Variants in RBMS3 observed in about 807,000 individuals in gnomAD.
The protein encoded by RBMS3 is RNA binding motif single stranded interacting protein 3.
Under a neutral mutation model 66.8 loss-of-function variants are expected in RBMS3, and 27 were observed. The ratio of observed to expected loss-of-function variants is 0.40; its 90% CI spans 0.30 to 0.56. RBMS3 has a LOEUF of 0.56. Ranked by LOEUF, RBMS3 falls within the 20% of genes least tolerant of loss-of-function variation. The probability of loss-of-function intolerance (pLI) is 0.40; values close to 1 mark genes in which losing one functional copy is unlikely to be tolerated. For synonymous variants in RBMS3, 188 were observed against 183.0 expected (o/e 1.03, Z -0.22); for missense variants, 513 against 549.5 (o/e 0.93, Z 0.66).
chr3:29,358,043 T>C lies in RBMS3; in HGVS notation c.75+76287T>C, dbSNP rs1419516747. 2.6e-4 allele frequency among the ~76,000 whole-genome samples: 40 copies of C among 152,060 alleles called. 1 individual carries two copies. The highest frequency in any genetic ancestry group is 2.4e-3 in the Admixed American group (37 of 15,254). ...GTAGTTTCTTTTGCTGTGCAGAAGCTCTTTACGTAGATCCCATTTGTGAAT... is the reference window on the plus strand; with the variant it reads ...GTAGTTTCTTTTGCTGTGCAGAAGCCCTTTACGTAGATCCCATTTGTGAAT... On this transcript the variant is annotated intron_variant, in intron 1 of 14. Coordinates refer to ENST00000383767, the MANE Select transcript of RBMS3 (RefSeq NM_001003793.3).
At chr3:29,698,721 T>A in intron 4 of RBMS3, 1 of 569,122 alleles carries the variant, frequency 1.8e-6, no homozygotes, top group Non-Finnish European at 2.2e-6. Context: ...ATGCTATTCT[T>A]AATGTTTATT....
chr3:29,502,501 CAT>C (rs2044012904), intron 3 of RBMS3, among the ~76,000 whole-genome samples: 1 of 152,050 alleles, frequency 6.6e-6, no homozygotes, highest in Admixed American at 6.6e-5. Context: ...TTGATAGAAA[CAT>C]GTAGTAGTTC....
chr3:29,972,473 C>T (rs1697290678), intron 12 of RBMS3, among the ~76,000 whole-genome samples: 1 of 151,630 alleles, frequency 6.6e-6, no homozygotes, highest in South Asian at 2.1e-4. Context: ...TTCTCCCTGT[C>T]TTCATTTGCT....
In RBMS3 at chr3:30,006,292, T is replaced by C. The variant is rs565282399; in HGVS notation, c.*2430T>C. On this transcript the variant is annotated 3_prime_UTR_variant, in exon 15 of 15. Coordinates refer to ENST00000383767, the MANE Select transcript of RBMS3 (RefSeq NM_001003793.3). ...AATAAGGTTGACTCATGTGAAATTG[T>C]CAATATTCTACTATTTCTGTAAACT... 6.6e-6 allele frequency: 1 copy of C among 152,026 alleles called. No individual in the cohort carries two copies. Among genetic ancestry groups the C allele is most frequent in the South Asian group, 2.1e-4 (1 of 4,826 alleles). 9.4% of individuals were successfully genotyped at this position (152,026 alleles called of 1,614,324 possible). A position where few individuals can be genotyped will look rare whatever the true frequency, so the allele number is the denominator to read the frequency against.
At chr3:29,302,939 C>T (rs371480003) in intron 1 of RBMS3, among the ~76,000 whole-genome samples, 4 of 151,952 alleles carry the variant, frequency 2.6e-5, no homozygotes, top group African/African-American at 4.8e-5. Flanking sequence ...TGTTGTGTAT[C>T]GACAAATTAG....
At chr3:29,743,894 C>T (rs532518711) in intron 5 of RBMS3, among the ~76,000 whole-genome samples, 2 of 105,850 alleles carry the variant, frequency 1.9e-5, no homozygotes, top group African/African-American at 3.5e-5. Context: ...ATCCCTCCCC[C>T]CTCCCCCCAC....
At chr3:29,620,703 C>A (rs115318092) in intron 4 of RBMS3, among the ~76,000 whole-genome samples, 2,263 of 151,742 alleles carry the variant, frequency 0.015, 49 homozygotes, top group African/African-American at 0.043. Context: ...ATTTCACTTA[C>A]AGAGAAAAAA....
At chr3:29,708,147 G>A (rs1009876421) in intron 4 of RBMS3, among the ~76,000 whole-genome samples, 1 of 152,152 alleles carries the variant, frequency 6.6e-6, no homozygotes, top group Non-Finnish European at 1.5e-5. Context: ...TTTAACACTT[G>A]ACACTCTCAG....
chr3:29,804,192 G>A (rs1260622002), intron 6 of RBMS3, among the ~76,000 whole-genome samples: 1 of 151,990 alleles, frequency 6.6e-6, no homozygotes. Context: ...TTTCTTCAAA[G>A]TGGTCTAGGC....
intron 3 of RBMS3, among the ~76,000 whole-genome samples, chr3:29,544,880 A>G (rs2045893257): frequency 6.6e-6 from 1 of 152,186 alleles, no homozygotes. Flanking sequence ...CCAACTCCTA[A>G]CTATATATGC....
At chr3:29,695,431 A>G (rs1215899585) in intron 4 of RBMS3, among the ~76,000 whole-genome samples, 2 of 152,178 alleles carry the variant, frequency 1.3e-5, no homozygotes, top group African/African-American at 2.4e-5. Flanking sequence ...CTCTGTGTAG[A>G]GTATGTATTC....
intron 10 of RBMS3, among the ~76,000 whole-genome samples, chr3:29,915,310 A>C (rs1172649156): frequency 6.6e-6 from 1 of 151,904 alleles, no homozygotes; most frequent in African/African-American, 2.4e-5. Context: ...TTTACTGATC[A>C]TAGAAGTATG....
intron 3 of RBMS3, among the ~76,000 whole-genome samples, chr3:29,531,642 T>C (rs1484938147): frequency 6.6e-6 from 1 of 152,220 alleles, no homozygotes; most frequent in African/African-American, 2.4e-5. Context: ...GTTTTTGTTG[T>C]TAATAACCGC....
chr3:29,914,377 G>A lies in RBMS3; in HGVS notation c.939+14622G>A, dbSNP rs112404377. On this transcript the variant is annotated intron_variant, in intron 10 of 14. Transcript: ENST00000383767. Reference sequence around the variant, plus strand: ...TTTTCAATATGTACCTCCAAATACAGGTTTGCCACCCAAGAAGGGTAGTAA... The same window carrying A: ...TTTTCAATATGTACCTCCAAATACAAGTTTGCCACCCAAGAAGGGTAGTAA... 3.3e-4 allele frequency among the ~76,000 whole-genome samples: 50 copies of A among 151,928 alleles called. 2 individuals are homozygous for A. Among genetic ancestry groups the A allele is most frequent in the African/African-American group, 1.1e-3 (47 of 41,496 alleles).
At chr3:29,572,645 A>G (rs1378624756) in intron 3 of RBMS3, among the ~76,000 whole-genome samples, 1 of 152,140 alleles carries the variant, frequency 6.6e-6, no homozygotes, top group African/African-American at 2.4e-5. Context: ...TGATCATCTT[A>G]ATGTATTGTT....
intron 6 of RBMS3, among the ~76,000 whole-genome samples, chr3:29,842,596 A>G (rs554605245): frequency 6.6e-6 from 1 of 152,300 alleles, no homozygotes; most frequent in South Asian, 2.1e-4. Context: ...GATAGGCTAG[A>G]TAATTGCATC....
Position 29,801,291 on chromosome 3 carries a change from A to G in RBMS3, c.637+38302A>G, listed in dbSNP as rs545708990. Among the ~76,000 whole-genome samples the G allele has an allele frequency of 3.1e-4, 13 of 41,730 alleles. No homozygotes were observed. In the East Asian group the frequency reaches 3.7e-3, roughly 12 times the overall value. 27.4% of individuals were successfully genotyped at this position (41,730 alleles called of 152,430 possible). The stretch of plus-strand genomic sequence containing the variant: ...TTTTTTCTTTTTTTTTTTTTGAGAC[A>G]AAGTCTTGCTCTGTTGCCCAGGCTG... On this transcript the variant is annotated intron_variant, in intron 6 of 14. Transcript: ENST00000383767.
chr3:29,430,691 A>G (rs900947098), intron 1 of RBMS3, among the ~76,000 whole-genome samples: 17 of 152,234 alleles, frequency 1.1e-4, no homozygotes, highest in African/African-American at 4.1e-4. Flanking sequence ...TTATTTGATT[A>G]GTCAAGGACT....
chr3:29,598,795 C>T (rs1215935600), intron 4 of RBMS3, among the ~76,000 whole-genome samples: 2 of 151,914 alleles, frequency 1.3e-5, no homozygotes, highest in Non-Finnish European at 1.5e-5. Flanking sequence ...AACATTTCTC[C>T]TATAATACCT....
Sources: allele counts gnomAD v4.1 joint callset (sites outside exome capture counted in the v4.1 genomes callset), GRCh38; gene constraint gnomAD v4.1.1; transcripts MANE v1.5; gene names NCBI Gene and HGNC (gene_info 2026-07-23, HGNC 2026-07-21).